SDK1: variants seen among roughly 807,000 people sequenced by gnomAD.
The protein encoded by SDK1 is protein sidekick-1.
SDK1 carries 157 observed loss-of-function variants against 245.5 expected under a neutral mutation model. The ratio of observed to expected loss-of-function variants is 0.64; its 90% CI spans 0.56 to 0.73. SDK1 has a LOEUF of 0.73. Among genes scored for constraint, SDK1 ranks in the 30% least tolerant of loss-of-function variants. The pLI, the probability that SDK1 is intolerant of heterozygous loss-of-function variation, is 0.00. For synonymous variants in SDK1, 1,647 were observed against 1,278.5 expected, an observed-to-expected ratio of 1.29 and a Z score of -6.15; for missense variants, 3,583 against 3,002.3, an observed-to-expected ratio of 1.19 and a Z score of -4.52.
intron 1 of SDK1, among the ~76,000 whole-genome samples, chr7:3,489,960 G>C (rs967234375): frequency 6.6e-6 from 1 of 152,178 alleles, no homozygotes; most frequent in African/African-American, 2.4e-5. Context: ...AATACATTTG[G>C]AGAATTGTCA....
chr7:3,599,432 C>T (rs62440182), intron 1 of SDK1, among the ~76,000 whole-genome samples: 27,850 of 152,080 alleles, frequency 0.18, 3,051 homozygotes, highest in South Asian at 0.29. Context: ...GTCTTCTCAT[C>T]TCTCCGTAGA....
chr7:3,534,574 C>T (rs1562545846), intron 1 of SDK1, among the ~76,000 whole-genome samples: 1 of 152,076 alleles, frequency 6.6e-6, no homozygotes, highest in South Asian at 2.1e-4. Flanking sequence ...CCCATCCCAA[C>T]AGGTGTGAGG....
At chr7:3,968,631 C>G (rs1338238936) in intron 10 of SDK1, among the ~76,000 whole-genome samples, 1 of 152,156 alleles carries the variant, frequency 6.6e-6, no homozygotes, top group Non-Finnish European at 1.5e-5. Context: ...AAACTAAAAA[C>G]CGATCACCCA....
At chr7:3,418,822 C>T (rs1382740835) in intron 1 of SDK1, among the ~76,000 whole-genome samples, 1 of 152,112 alleles carries the variant, frequency 6.6e-6, no homozygotes, top group Non-Finnish European at 1.5e-5. Context: ...ACAGTCGTCC[C>T]TCATTGTACA....
chr7:4,141,183 CAT>C (rs1779561949), intron 28 of SDK1, among the ~76,000 whole-genome samples: 1 of 152,208 alleles, frequency 6.6e-6, no homozygotes, highest in African/African-American at 2.4e-5. Flanking sequence ...TGCATAACCA[CAT>C]GATGGAAGCC....
intron 38 of SDK1, among the ~76,000 whole-genome samples, chr7:4,219,781 T>A (rs1427554524): frequency 3.9e-5 from 6 of 151,922 alleles, no homozygotes; most frequent in African/African-American, 1.4e-4. Flanking sequence ...ACCTGGAGAA[T>A]GGCAGGACCG....
rs1781782346 is a variant in SDK1, at chr7:3,962,541, A to G, written c.1235-116A>G. On this transcript the variant is annotated intron_variant, in intron 8 of 44. Transcript: ENST00000404826. Reference sequence around the variant, plus strand: ...TCCTTATAGGGTGGTTGAAAGCACGAATACACAAGAAAATGCCTATTAAAA... The same window carrying G: ...TCCTTATAGGGTGGTTGAAAGCACGGATACACAAGAAAATGCCTATTAAAA... 3.2e-6 allele frequency: 3 copies of G among 924,132 alleles called. No homozygotes were observed. The Admixed American group carries it at 8.7e-5, about 27-fold the overall frequency. The allele number at this position is 924,132 out of a possible 1,614,324, so 57.2% of individuals were successfully genotyped here.
intron 21 of SDK1, among the ~76,000 whole-genome samples, chr7:4,078,283 C>G: frequency 6.6e-6 from 1 of 152,172 alleles, no homozygotes; most frequent in East Asian, 1.9e-4. Context: ...GCGAGGACTG[C>G]TTTGGGGACA....
intron 1 of SDK1, among the ~76,000 whole-genome samples, chr7:3,332,772 T>A (rs1269270664): frequency 6.6e-6 from 1 of 152,202 alleles, no homozygotes; most frequent in African/African-American, 2.4e-5. Flanking sequence ...CCAGATAACT[T>A]CTTTTCCCCC....
chr7:4,005,469 G>T (rs886610509), intron 14 of SDK1, among the ~76,000 whole-genome samples: 1 of 149,292 alleles, frequency 6.7e-6, no homozygotes, highest in Admixed American at 6.7e-5. Flanking sequence ...GGTACTTCCT[G>T]CTGCATCACC....
intron 1 of SDK1, among the ~76,000 whole-genome samples, chr7:3,522,775 T>C (rs1460645751): frequency 6.6e-6 from 1 of 152,214 alleles, no homozygotes; most frequent in Non-Finnish European, 1.5e-5. Context: ...TCACAGAACC[T>C]TTTGAAAAAC....
intron 20 of SDK1, among the ~76,000 whole-genome samples, chr7:4,071,637 A>G (rs1780263252): frequency 1.3e-5 from 2 of 152,214 alleles, no homozygotes; most frequent in Admixed American, 6.5e-5. Flanking sequence ...CAAAGAAAGG[A>G]AAAACAAACT....
intron 1 of SDK1, among the ~76,000 whole-genome samples, chr7:3,391,966 AAT>A (rs55768106): frequency 0.46 from 65,613 of 143,768 alleles, 15,609 homozygotes; most frequent in East Asian, 0.59. Flanking sequence ...TATATCATGT[AAT>A]ATATATATAT....
At chr7:3,682,680 C>G (rs1022367736) in intron 4 of SDK1, among the ~76,000 whole-genome samples, 1 of 151,732 alleles carries the variant, frequency 6.6e-6, no homozygotes, top group Non-Finnish European at 1.5e-5. Flanking sequence ...CTGCTCTCCT[C>G]TCTCAGAAGG....
At chr7:4,106,794 G>C (rs1782953294) in intron 22 of SDK1, among the ~76,000 whole-genome samples, 1 of 151,990 alleles carries the variant, frequency 6.6e-6, no homozygotes, top group African/African-American at 2.4e-5. Context: ...CGTTCCTCTT[G>C]GTCGTGGGGG....
At chr7:3,490,836 C>A (rs1378361052) in intron 1 of SDK1, among the ~76,000 whole-genome samples, 1 of 152,216 alleles carries the variant, frequency 6.6e-6, no homozygotes, top group African/African-American at 2.4e-5. Context: ...AGTATATACT[C>A]TCCCTTTTCT....
At chr7:3,924,148 T>G (rs1779689088) in intron 5 of SDK1, among the ~76,000 whole-genome samples, 1 of 151,880 alleles carries the variant, frequency 6.6e-6, no homozygotes, top group African/African-American at 2.4e-5. Context: ...GGGACGCTGT[T>G]GTAACCATCC....
chr7:3,964,990 T>G (rs1781984346), intron 9 of SDK1, among the ~76,000 whole-genome samples: 1 of 152,166 alleles, frequency 6.6e-6, no homozygotes, highest in South Asian at 2.1e-4. Flanking sequence ...CTTGATTGAT[T>G]AGAATTATTT....
intron 1 of SDK1, among the ~76,000 whole-genome samples, chr7:3,574,957 C>A (rs996236771): frequency 2.6e-5 from 4 of 152,088 alleles, no homozygotes; most frequent in Non-Finnish European, 1.5e-5. Context: ...CTGTGAAGTA[C>A]GGGTAGTCAT....
Sources: allele counts gnomAD v4.1 joint callset (sites outside exome capture counted in the v4.1 genomes callset), GRCh38; gene constraint gnomAD v4.1.1; transcripts MANE v1.5; gene names NCBI Gene and HGNC (gene_info 2026-07-23, HGNC 2026-07-21).